The following LMF1 variants were observed in gnomAD, a reference collection of about 807,000 sequenced individuals.
LMF1 encodes the protein transmembrane protein 112.
Under a neutral mutation model 60.6 loss-of-function variants are expected in LMF1, and 68 were observed. The observed-to-expected ratio is 1.12, with a 90% CI of 0.92 to 1.37. The LOEUF (loss-of-function observed/expected upper bound fraction) is 1.37. LMF1 is among the 40% of genes most tolerant of loss of function. The pLI is 0.00. For missense variants in LMF1, 948 were observed against 767.2 expected (o/e 1.24, Z -2.78); for synonymous variants, 418 against 324.7 (o/e 1.29, Z -3.09).
chr16:919,831 T>C (rs922690975), intron 3 of LMF1, among the ~76,000 whole-genome samples: 1 of 151,802 alleles, frequency 6.6e-6, no homozygotes, highest in African/African-American at 2.4e-5. Context: ...GGGGTGAGGG[T>C]GAAGCAGCCA....
At chr16:905,904 C>A (rs1489353949) in intron 4 of LMF1, among the ~76,000 whole-genome samples, 2 of 152,122 alleles carry the variant, frequency 1.3e-5, no homozygotes, top group Non-Finnish European at 2.9e-5. Context: ...CCACTGCACC[C>A]AGCCATTTTC....
chr16:858,794 G>C (rs1259115381), intron 10 of LMF1, among the ~76,000 whole-genome samples: 2 of 105,570 alleles, frequency 1.9e-5, no homozygotes, highest in Admixed American at 8.1e-5. Flanking sequence ...TCACGGGACG[G>C]GTGTGAGTGG....
At chr16:981,090 G>A (rs113250895) in intron 1 of LMF1, 23,860 of 364,038 alleles carry the variant, frequency 0.066, 865 homozygotes, top group African/African-American at 0.082. Context: ...ACTCGTATGG[G>A]CAGGGCGGCC....
chr16:977,741 A>G (rs1161724297), intron 1 of LMF1, among the ~76,000 whole-genome samples: 2 of 151,762 alleles, frequency 1.3e-5, no homozygotes, highest in African/African-American at 4.9e-5. Context: ...AAGGACGGAG[A>G]GGGAGGGACA....
At position 878,981 on chromosome 16, in the gene LMF1, C is replaced by A. The variant is rs1596886191; in HGVS notation, c.897+589G>T. On this transcript the variant is annotated intron_variant, in intron 6 of 10. Transcript: ENST00000262301. The surrounding 1 kb of genome is among the most constrained non-coding windows in gnomAD (Gnocchi z 5.2). ...AGCAAAGGCTCGGGACTGGCCCAGC[C>A]CCCCTGGAGGCAGCGTGGGGGTGCT... is the stretch of plus-strand genomic sequence containing the variant. Among the ~76,000 whole-genome samples the A allele has an allele frequency of 2.0e-5, 3 of 152,274 alleles. No homozygotes were observed. Among genetic ancestry groups the A allele is most frequent in the African/African-American group, 7.2e-5 (3 of 41,532 alleles).
At chr16:920,043 C>T (rs1042631594) in intron 3 of LMF1, among the ~76,000 whole-genome samples, 27 of 152,210 alleles carry the variant, frequency 1.8e-4, no homozygotes, top group Non-Finnish European at 3.1e-4. Context: ...GGCCCTGGCC[C>T]GTCGGCTTAG....
At chr16:945,945 C>T (rs553310353) in intron 2 of LMF1, among the ~76,000 whole-genome samples, 1 of 152,280 alleles carries the variant, frequency 6.6e-6, no homozygotes, top group Admixed American at 6.5e-5. Context: ...TGTTCTCCCC[C>T]CGGCGTCCAG....
chr16:945,589 A>G lies in LMF1; in HGVS notation c.503+8768T>C, dbSNP rs192681486. 9.8e-5 allele frequency among the ~76,000 whole-genome samples: 15 copies of G among 152,350 alleles called. No homozygotes were observed. In the East Asian group the frequency reaches 2.9e-3, roughly 29 times the overall value. On this transcript the variant is annotated intron_variant, in intron 2 of 10. Coordinates refer to ENST00000262301, the MANE Select transcript of LMF1 (RefSeq NM_022773.4). ...AGTTAAAAAATTTAAAAAAGAAAAA[A>G]TATCTGTTTAAAATGTGAAAGAGAT...
chr16:913,063 C>T (rs888740861), intron 3 of LMF1, among the ~76,000 whole-genome samples: 2 of 152,202 alleles, frequency 1.3e-5, no homozygotes, highest in Non-Finnish European at 2.9e-5. Context: ...GAGCCGTCCT[C>T]GCCCCCGCCT....
chr16:970,799 G>A lies in LMF1; in HGVS notation c.182C>T (p.Ala61Val). The A allele has an allele frequency of 2.6e-6, 4 of 1,539,722 alleles. No individual in the cohort carries two copies. The East Asian group carries it at 7.6e-5, about 29-fold the overall frequency. Residue 61 changes from alanine to valine, a missense_variant, in exon 1 of 11, where the codon GCC (alanine) becomes GTC (valine). By Grantham distance (64) the Ala-to-Val change is moderately conservative. Coordinates refer to ENST00000262301, the MANE Select transcript of LMF1 (RefSeq NM_022773.4). ...CGCCCGGCACTCACAGTACACGAAG[G>A]CTAGGGCCTTCAGGAGCACGATCCG... is the stretch of plus-strand genomic sequence containing the variant. ...LTRIVLLKAL[A>V]FVYFVAFLVA...
chr16:913,955 G>A (rs145320226), intron 3 of LMF1, among the ~76,000 whole-genome samples: 13 of 152,332 alleles, frequency 8.5e-5, no homozygotes, highest in Admixed American at 7.2e-4. Flanking sequence ...TGAAATACTC[G>A]GAAGAGAAAA....
intron 3 of LMF1, among the ~76,000 whole-genome samples, chr16:916,347 T>C (rs1315909853): frequency 6.6e-6 from 1 of 152,194 alleles, no homozygotes; most frequent in Non-Finnish European, 1.5e-5. Flanking sequence ...CTTGACTGCC[T>C]GTCACTCAGC....
In LMF1 at chr16:861,098, C is replaced by T. The variant is rs1001686355; in HGVS notation, c.1530-6392G>A. 5.3e-5 allele frequency among the ~76,000 whole-genome samples: 8 copies of T among 152,142 alleles called. No homozygotes were observed. In the South Asian group the frequency reaches 1.5e-3, roughly 28 times the overall value. ...ATCTCCACGTTGTTGTATCTTCCAACCCACGAACGCGGCCGTGTCTCTAGG... is the reference window on the plus strand; with the variant it reads ...ATCTCCACGTTGTTGTATCTTCCAATCCACGAACGCGGCCGTGTCTCTAGG... On this transcript the variant is annotated intron_variant, in intron 10 of 10. Coordinates refer to ENST00000262301, the MANE Select transcript of LMF1 (RefSeq NM_022773.4).
At position 962,576 on chromosome 16, in the gene LMF1, C is replaced by G. The variant is rs192821477; in HGVS notation, c.194-7910G>C. Reference sequence around the variant, plus strand: ...CCCCGCACCTCTGTGGGCGTCTTCCCAAAACCCATCACCCAGTCTAATTGC... The same window carrying G: ...CCCCGCACCTCTGTGGGCGTCTTCCGAAAACCCATCACCCAGTCTAATTGC... On this transcript the variant is annotated intron_variant, in intron 1 of 10. Transcript: ENST00000262301. This position sits in a 1 kb window ranked among gnomAD's most constrained non-coding sequence, Gnocchi z 4.5. 1.3e-5 allele frequency among the ~76,000 whole-genome samples: 2 copies of G among 152,306 alleles called. No individual in the cohort carries two copies. The highest frequency in any genetic ancestry group is 3.9e-4 in the East Asian group (2 of 5,164).
chr16:975,037 G>A (rs1418833682), upstream of LMF1, among the ~76,000 whole-genome samples: 4 of 152,210 alleles, frequency 2.6e-5, no homozygotes, highest in Non-Finnish European at 4.4e-5. Flanking sequence ...CCCCACGTGA[G>A]GCTGGCAGGT....
chr16:895,294 T>G (rs1002285233), intron 4 of LMF1, among the ~76,000 whole-genome samples: 2 of 152,134 alleles, frequency 1.3e-5, no homozygotes, highest in Admixed American at 6.5e-5. Flanking sequence ...GGGCTCCCAG[T>G]AGAATCCTCC....
chr16:957,295 T>A (rs1055758477), intron 1 of LMF1, among the ~76,000 whole-genome samples: 6 of 152,216 alleles, frequency 3.9e-5, no homozygotes, highest in Non-Finnish European at 7.3e-5. Flanking sequence ...CATGTCTGTG[T>A]AACTGTGCAT....
intron 2 of LMF1, chr16:947,703 C>T (rs372591787): frequency 1.7e-4 from 67 of 399,246 alleles, no homozygotes; most frequent in African/African-American, 9.1e-4. Flanking sequence ...TGCTGAAGAG[C>T]AGCAAAGCAG....
chr16:885,168 CTTGAAGG>C (rs2070269616), intron 5 of LMF1: 1 of 152,098 alleles, frequency 6.6e-6, no homozygotes, highest in Non-Finnish European at 1.5e-5. Context: ...CATAGTATAC[CTTGAAGG>C]TGAGCTGTGA....
Sources: allele counts gnomAD v4.1 joint callset (sites outside exome capture counted in the v4.1 genomes callset), GRCh38; gene constraint gnomAD v4.1.1; non-coding constraint Gnocchi (gnomAD v3.1); transcripts MANE v1.5; gene names NCBI Gene and HGNC (gene_info 2026-07-23, HGNC 2026-07-21).